CACNA2D3: variants seen among roughly 807,000 people sequenced by gnomAD.
The protein encoded by CACNA2D3 is voltage-dependent calcium channel subunit alpha-2/delta-3.
In CACNA2D3, 60 loss-of-function variants were observed where a neutral mutation model predicts 160.6. The ratio of observed to expected loss-of-function variants is 0.37; its 90% CI spans 0.30 to 0.46. The LOEUF (loss-of-function observed/expected upper bound fraction) is 0.46. Among genes scored for constraint, CACNA2D3 ranks in the 20% least tolerant of loss-of-function variants. CACNA2D3 has a pLI of 1.00. For missense variants in CACNA2D3, 1,205 were observed against 1,365.0 expected (o/e 0.88, Z 1.85); for synonymous variants, 558 against 492.9 (o/e 1.13, Z -1.75).
intron 13 of CACNA2D3, among the ~76,000 whole-genome samples, chr3:54,775,292 A>C (rs79005137): frequency 1.3e-5 from 2 of 152,154 alleles, no homozygotes; most frequent in African/African-American, 2.4e-5. Flanking sequence ...CATGTACCAC[A>C]TCAGCAGGGT....
intron 2 of CACNA2D3, among the ~76,000 whole-genome samples, chr3:54,225,403 C>G (rs1292758101): frequency 6.6e-6 from 1 of 152,222 alleles, no homozygotes; most frequent in Non-Finnish European, 1.5e-5. Flanking sequence ...TACCGGTTCT[C>G]TTTCTCATTT....
At chr3:55,045,218 T>C (rs1049379799) in intron 35 of CACNA2D3, among the ~76,000 whole-genome samples, 3 of 152,134 alleles carry the variant, frequency 2.0e-5, no homozygotes, top group Admixed American at 1.3e-4. Context: ...CTGGCTAATT[T>C]TTTGTATTTT....
At chr3:54,405,013 A>G (rs2106711403) in intron 4 of CACNA2D3, among the ~76,000 whole-genome samples, 1 of 152,060 alleles carries the variant, frequency 6.6e-6, no homozygotes, top group East Asian at 1.9e-4. Flanking sequence ...GAAATTGAAG[A>G]GGACACAAAT....
intron 31 of CACNA2D3, among the ~76,000 whole-genome samples, chr3:54,996,893 A>G (rs1702870415): frequency 6.6e-6 from 1 of 152,204 alleles, no homozygotes; most frequent in Admixed American, 6.5e-5. Context: ...GAAGCTGGAA[A>G]CCATCATTCT....
chr3:54,294,100 CT>C (rs1339002379), intron 2 of CACNA2D3, among the ~76,000 whole-genome samples: 11 of 152,246 alleles, frequency 7.2e-5, no homozygotes, highest in African/African-American at 2.2e-4. Context: ...AATAAAGAAG[CT>C]GGGATTTTGT....
At chr3:54,670,031 T>C (rs1700130146) in intron 11 of CACNA2D3, among the ~76,000 whole-genome samples, 1 of 152,186 alleles carries the variant, frequency 6.6e-6, no homozygotes, top group Non-Finnish European at 1.5e-5. Context: ...AACAACAAAA[T>C]GTCCAGTTTG....
intron 9 of CACNA2D3, among the ~76,000 whole-genome samples, chr3:54,625,528 A>G (rs971394311): frequency 4.6e-5 from 7 of 152,172 alleles, no homozygotes; most frequent in Non-Finnish European, 8.8e-5. Context: ...GGCTTCAATA[A>G]TGGTGGCTGC....
At chr3:54,873,455 G>A (rs2106825168) in intron 18 of CACNA2D3, among the ~76,000 whole-genome samples, 1 of 152,146 alleles carries the variant, frequency 6.6e-6, no homozygotes, top group East Asian at 1.9e-4. Context: ...GCTACTTGAA[G>A]AGATGTATGA....
chr3:54,135,444 T>G (rs1200903671), intron 2 of CACNA2D3, among the ~76,000 whole-genome samples: 3 of 152,318 alleles, frequency 2.0e-5, no homozygotes, highest in Non-Finnish European at 2.9e-5. Flanking sequence ...TCTGCTCTCT[T>G]CCCCAGGCGC....
chr3:54,354,289 G>T, intron 3 of CACNA2D3, among the ~76,000 whole-genome samples: 1 of 152,170 alleles, frequency 6.6e-6, no homozygotes, highest in South Asian at 2.1e-4. Flanking sequence ...GTTTGCTATT[G>T]TTTTAAGGAC....
At chr3:54,652,223 C>T (rs1012984045) in intron 11 of CACNA2D3, among the ~76,000 whole-genome samples, 2 of 149,118 alleles carry the variant, frequency 1.3e-5, no homozygotes, top group African/African-American at 4.8e-5. Flanking sequence ...AGGTGGCAAA[C>T]GTTGCTGGCA....
chr3:54,798,850 T>C (rs1365194450), intron 13 of CACNA2D3, among the ~76,000 whole-genome samples: 2 of 152,238 alleles, frequency 1.3e-5, no homozygotes, highest in Non-Finnish European at 2.9e-5. Context: ...TGTTCTGTCT[T>C]GGGACATGTT....
At chr3:54,784,773 G>A (rs1034991051) in intron 13 of CACNA2D3, among the ~76,000 whole-genome samples, 1 of 152,170 alleles carries the variant, frequency 6.6e-6, no homozygotes, top group Non-Finnish European at 1.5e-5. Flanking sequence ...TGAGCAGGCA[G>A]GGGACCTGAC....
At position 54,142,974 on chromosome 3, in the gene CACNA2D3, C is replaced by G. The variant is rs543463991; in HGVS notation, c.204+19380C>G. Among the ~76,000 whole-genome samples, 57 of 152,288 alleles carry G rather than the reference C, an allele frequency of 3.7e-4. 1 individual carries two copies. The highest frequency in any genetic ancestry group is 1.3e-3 in the African/African-American group (55 of 41,560). The stretch of plus-strand genomic sequence containing the variant: ...CCCTCTCCCTGAGTGTGTACAAGTA[C>G]AACAACCCTGAGTGATAAGGAGTAA... On this transcript the variant is annotated intron_variant, in intron 2 of 37. Transcript: ENST00000474759.
intron 11 of CACNA2D3, among the ~76,000 whole-genome samples, chr3:54,682,235 A>G (rs755281723): frequency 1.3e-5 from 2 of 152,200 alleles, no homozygotes; most frequent in Non-Finnish European, 2.9e-5. Context: ...AAGTATTTAA[A>G]TATAAATATG....
chr3:54,727,265 G>T (rs952210339), intron 11 of CACNA2D3, among the ~76,000 whole-genome samples: 1 of 152,138 alleles, frequency 6.6e-6, no homozygotes, highest in Non-Finnish European at 1.5e-5. Context: ...CAACAGATGT[G>T]GGAGAGGATG....
At chr3:54,808,096 C>A (rs1407289780) in intron 13 of CACNA2D3, among the ~76,000 whole-genome samples, 2 of 149,482 alleles carry the variant, frequency 1.3e-5, no homozygotes, top group Non-Finnish European at 3.0e-5. Context: ...AGGAGATATA[C>A]CTAATGCTAA....
chr3:54,546,041 A>C (rs1223393304), intron 5 of CACNA2D3, among the ~76,000 whole-genome samples: 3 of 152,176 alleles, frequency 2.0e-5, no homozygotes, highest in Non-Finnish European at 4.4e-5. Context: ...AAGATCCCCT[A>C]TTCTGCCTCG....
chr3:54,816,797 A>G (rs894018894), intron 13 of CACNA2D3, 56 bp from the exon 14 acceptor site: 1 of 1,588,116 alleles, frequency 6.3e-7, no homozygotes, highest in African/African-American at 1.4e-5. Flanking sequence ...ACCATTAATT[A>G]CTTATATAAT....
Sources: gnomAD v4.1 joint callset for allele counts (sites outside exome capture counted in the v4.1 genomes callset) on GRCh38, gnomAD v4.1.1 for gene constraint, MANE v1.5 for transcripts, NCBI Gene and HGNC (gene_info 2026-07-23, HGNC 2026-07-21) for gene names.